The following MFSD11 variants were observed in gnomAD, a reference collection of about 807,000 sequenced individuals.
MFSD11 encodes the protein UNC93-like protein MFSD11.
Under a neutral mutation model 53.5 loss-of-function variants are expected in MFSD11, and 36 were observed. The observed-to-expected ratio is 0.67, with a 90% CI of 0.52 to 0.89. The LOEUF is 0.89. Among genes scored for constraint, MFSD11 ranks in the 40% least tolerant of loss-of-function variants. The pLI, the probability that MFSD11 is intolerant of heterozygous loss-of-function variation, is 0.00. For synonymous variants in MFSD11, 186 were observed against 184.9 expected (o/e 1.01, Z -0.05); for missense variants, 530 against 543.9 (o/e 0.97, Z 0.25).
At chr17:76,749,940 G>A (rs574900066) in intron 7 of MFSD11, among the ~76,000 whole-genome samples, 2 of 151,922 alleles carry the variant, frequency 1.3e-5, no homozygotes, top group South Asian at 4.2e-4. Context: ...GAGGGTGGGA[G>A]GTGGAAGGGG....
chr17:76,744,196 A>T, intron 6 of MFSD11, 126 bp from the exon 7 acceptor site: 1 of 839,034 alleles, frequency 1.2e-6, no homozygotes, highest in Non-Finnish European at 1.7e-6. Flanking sequence ...CTAGGTTTTT[A>T]CTGATGCATT....
chr17:76,736,658 G>T (rs953194620), upstream of MFSD11: 6 of 1,197,270 alleles, frequency 5.0e-6, no homozygotes, highest in Admixed American at 2.5e-4. Context: ...CTCGCGGGGT[G>T]GCCGGAGGGT....
chr17:76,792,600 G>A, the MFSD11 span, among the ~76,000 whole-genome samples: 2 of 151,294 alleles, frequency 1.3e-5, no homozygotes, highest in African/African-American at 2.5e-5. Context: ...ATAAGGACCC[G>A]CCTAAATTTG....
At chr17:76,801,153 C>G in the MFSD11 span, among the ~76,000 whole-genome samples, 1 of 151,262 alleles carries the variant, frequency 6.6e-6, no homozygotes, top group African/African-American at 2.4e-5. Flanking sequence ...GCACTTCGGG[C>G]GGCTGAGGAG....
Position 76,776,507 on chromosome 17 carries a change from G to A in MFSD11, c.1151G>A (p.Ser384Asn). The A allele has an allele frequency of 6.2e-7, 1 of 1,614,028 alleles. No homozygotes were observed. Among genetic ancestry groups the A allele is most frequent in the Non-Finnish European group, 8.5e-7 (1 of 1,180,010 alleles). The change falls in exon 12 of 13, where the codon AGC becomes AAC. Residue 384 changes from serine (S) to asparagine (N), a missense_variant. Ser to Asn is a conservative substitution (Grantham distance 46). Transcript: ENST00000685175. This position sits in a 1 kb window ranked among gnomAD's most constrained non-coding sequence, Gnocchi z 4.2. ...SILGFLYSED[S>N]APAFAIFKFV... ...TTGGGCTTTCTGTATTCTGAAGACA[G>A]CGCCCCAGCATTTGCCATCTTCAAG...
At chr17:76,796,936 G>A in the MFSD11 span, among the ~76,000 whole-genome samples, 8 of 152,086 alleles carry the variant, frequency 5.3e-5, 1 homozygote, top group Non-Finnish European at 7.4e-5. Flanking sequence ...TTGGGAGGCC[G>A]AGGCAGGCAG....
At chr17:76,737,546 G>A (rs962573174), upstream of MFSD11, 2 of 266,298 alleles carry the variant, frequency 7.5e-6, no homozygotes, top group African/African-American at 2.2e-5. Flanking sequence ...CGGAATTAGC[G>A]GGCAGTTGGA....
At chr17:76,772,699 G>A (rs1019713228) in intron 10 of MFSD11, among the ~76,000 whole-genome samples, 33 of 151,750 alleles carry the variant, frequency 2.2e-4, no homozygotes, top group African/African-American at 8.0e-4. Flanking sequence ...TGTATTTTTA[G>A]TAGAGATGGG....
the MFSD11 span, among the ~76,000 whole-genome samples, chr17:76,788,199 C>T: frequency 6.7e-6 from 1 of 148,902 alleles, no homozygotes; most frequent in African/African-American, 2.5e-5. Flanking sequence ...CGCTGCCACA[C>T]CTGGCTAATT....
chr17:76,783,115 T>TG (rs1356591021), downstream of MFSD11, among the ~76,000 whole-genome samples: 16 of 147,796 alleles, frequency 1.1e-4, no homozygotes, highest in East Asian at 2.6e-3. Flanking sequence ...AGGCAGAGGT[T>TG]GCAGTGAGCC....
chr17:76,758,640 C>A, intron 8 of MFSD11, among the ~76,000 whole-genome samples: 1 of 144,432 alleles, frequency 6.9e-6, no homozygotes, highest in South Asian at 2.2e-4. Context: ...TCAGTCAACA[C>A]AACCTAACAA....
the MFSD11 span, among the ~76,000 whole-genome samples, chr17:76,795,163 A>G: frequency 6.6e-6 from 1 of 152,024 alleles, no homozygotes; most frequent in African/African-American, 2.4e-5. Flanking sequence ...TTTACATAGC[A>G]TTTACATTGT....
chr17:76,779,558 C>T (rs1252042759), downstream of MFSD11, among the ~76,000 whole-genome samples: 2 of 152,088 alleles, frequency 1.3e-5, no homozygotes, highest in Non-Finnish European at 2.9e-5. Flanking sequence ...GATCTCAGCT[C>T]ACTGCAACCT....
chr17:76,740,279 T>G (rs1263190215), intron 2 of MFSD11, among the ~76,000 whole-genome samples: 26 of 152,058 alleles, frequency 1.7e-4, no homozygotes, highest in Non-Finnish European at 1.2e-4. Context: ...TAGTATCTAG[T>G]AAATGAATTC....
At chr17:76,755,091 C>A (rs1199032917) in intron 8 of MFSD11, among the ~76,000 whole-genome samples, 2 of 151,928 alleles carry the variant, frequency 1.3e-5, no homozygotes, top group African/African-American at 4.8e-5. Context: ...GTGGCGGGCG[C>A]CTGTGGTCCC....
At chr17:76,770,073 C>T (rs1417658623) in intron 10 of MFSD11, among the ~76,000 whole-genome samples, 2 of 148,200 alleles carry the variant, frequency 1.3e-5, no homozygotes, top group Non-Finnish European at 3.0e-5. Context: ...GCTCTGTCGC[C>T]GAGGCTAGAG....
chr17:76,764,443 ACTCTCTGCTT>A (rs1421439455), intron 8 of MFSD11, among the ~76,000 whole-genome samples: 2 of 151,934 alleles, frequency 1.3e-5, no homozygotes, highest in Non-Finnish European at 2.9e-5. Flanking sequence ...CCACTATGCT[ACTCTCTGCTT>A]CTATGAGTTT....
the MFSD11 span, among the ~76,000 whole-genome samples, chr17:76,796,372 A>C: frequency 1.3e-5 from 2 of 152,010 alleles, no homozygotes; most frequent in African/African-American, 4.8e-5. Flanking sequence ...TCTTGTTCTC[A>C]CAACTATATT....
the MFSD11 span, among the ~76,000 whole-genome samples, chr17:76,791,637 C>G: frequency 6.7e-6 from 1 of 148,770 alleles, no homozygotes; most frequent in Non-Finnish European, 1.5e-5. Flanking sequence ...TGGGCTGGCT[C>G]TCCTCCCACA....
Sources: gnomAD v4.1 joint callset for allele counts (sites outside exome capture counted in the v4.1 genomes callset) on GRCh38, gnomAD v4.1.1 for gene constraint, Gnocchi (gnomAD v3.1) non-coding constraint, MANE v1.5 for transcripts, NCBI Gene and HGNC (gene_info 2026-07-23, HGNC 2026-07-21) for gene names.